CHRDL1: variants seen among roughly 807,000 people sequenced by gnomAD.
CHRDL1 encodes the protein chordin-like protein 1.
A neutral mutation model predicts 40.9 loss-of-function variants in CHRDL1; 19 were observed. That is an observed-to-expected ratio of 0.46 (90% CI 0.32 to 0.68). The LOEUF (loss-of-function observed/expected upper bound fraction) is 0.68, where lower values mean the gene tolerates loss of function less well. Among genes scored for constraint, CHRDL1 ranks in the 30% least tolerant of loss-of-function variants. The pLI is 0.03. For missense variants in CHRDL1, 329 were observed against 352.1 expected, an observed-to-expected ratio of 0.93 and a Z score of 0.53; for synonymous variants, 136 against 123.4, an observed-to-expected ratio of 1.10 and a Z score of -0.68.
intron 4 of CHRDL1, among the ~76,000 whole-genome samples, chrX:110,722,200 T>C (rs569292463): frequency 2.7e-5 from 3 of 110,665 alleles, no homozygotes; most frequent in South Asian, 8.0e-4. Flanking sequence ...TTTCACCATG[T>C]TGACCAGGCT....
intron 4 of CHRDL1, among the ~76,000 whole-genome samples, chrX:110,743,191 C>T (rs1230486701): frequency 1.8e-5 from 2 of 112,842 alleles, no homozygotes; most frequent in Non-Finnish European, 1.9e-5. Context: ...TTCTATTGGA[C>T]AGTGCTGGTA....
intron 6 of CHRDL1, among the ~76,000 whole-genome samples, chrX:110,707,832 G>T (rs1289386426): frequency 1.8e-5 from 2 of 111,642 alleles, no homozygotes; most frequent in African/African-American, 6.5e-5. Context: ...CACAGCAAAA[G>T]AAACTATCAT....
chrX:110,783,050 G>A (rs1007648827), intron 2 of CHRDL1, among the ~76,000 whole-genome samples: 2 of 112,498 alleles, frequency 1.8e-5, no homozygotes, highest in East Asian at 2.8e-4. Context: ...GAATGGTCAC[G>A]CCATTAGTGC....
chrX:110,690,023 G>A (rs59151044), intron 8 of CHRDL1, among the ~76,000 whole-genome samples: 7 of 14,567 alleles, frequency 4.8e-4, no homozygotes, highest in Non-Finnish European at 8.5e-4. Context: ...CTATATATCT[G>A]TATATCTATA....
chrX:110,679,473 A>G, intron 10 of CHRDL1, 48 bp from the exon 11 acceptor site: 2 of 842,611 alleles, frequency 2.4e-6, no homozygotes, highest in Non-Finnish European at 3.6e-6. Flanking sequence ...CTCAATCTGG[A>G]ACCATCAACT....
chrX:110,701,395 T>G (rs150748269), intron 6 of CHRDL1, among the ~76,000 whole-genome samples: 1 of 111,811 alleles, frequency 8.9e-6, no homozygotes, highest in African/African-American at 3.3e-5. Context: ...AAATGAGTAC[T>G]ATTTAAATTA....
At chrX:110,752,051 A>T (rs1034121527) in intron 4 of CHRDL1, among the ~76,000 whole-genome samples, 1 of 112,214 alleles carries the variant, frequency 8.9e-6, no homozygotes, top group Non-Finnish European at 1.9e-5. Flanking sequence ...GTTCTCACTC[A>T]TATGTGGAAG....
chrX:110,726,790 T>C (rs1165474469), intron 4 of CHRDL1, among the ~76,000 whole-genome samples: 1 of 112,351 alleles, frequency 8.9e-6, no homozygotes, highest in Admixed American at 9.4e-5. Flanking sequence ...TTTCCATAGA[T>C]GATAACTAAC....
intron 6 of CHRDL1, among the ~76,000 whole-genome samples, chrX:110,707,618 C>T (rs1478322314): frequency 8.9e-6 from 1 of 111,772 alleles, no homozygotes; most frequent in Non-Finnish European, 1.9e-5. Context: ...TGGACCCCTT[C>T]CTTACACCTC....
At chrX:110,747,409 A>AACACACAC (rs113917102) in intron 4 of CHRDL1, among the ~76,000 whole-genome samples, 90 of 91,222 alleles carry the variant, frequency 9.9e-4, no homozygotes, top group African/African-American at 3.4e-3. Context: ...ATCAAAACAA[A>AACACACAC]ACACACACAC....
chrX:110,712,487 C>T (rs1025090756), intron 6 of CHRDL1, among the ~76,000 whole-genome samples: 2 of 111,447 alleles, frequency 1.8e-5, no homozygotes, highest in Non-Finnish European at 3.8e-5. Context: ...AAGGAAGGAT[C>T]AGACTGTTTC....
chrX:110,678,933 C>G (rs2069837621), intron 11 of CHRDL1, among the ~76,000 whole-genome samples: 1 of 111,277 alleles, frequency 9.0e-6, no homozygotes, highest in East Asian at 2.8e-4. Context: ...ATTGATATGC[C>G]TTTAATTTCT....
chrX:110,775,835 C>T (rs1371481440), intron 2 of CHRDL1, among the ~76,000 whole-genome samples: 3 of 109,649 alleles, frequency 2.7e-5, no homozygotes, highest in Non-Finnish European at 5.7e-5. Context: ...TTTAACTGAA[C>T]ATTTTATATT....
intron 6 of CHRDL1, among the ~76,000 whole-genome samples, chrX:110,712,491 C>G (rs962310499): frequency 9.0e-6 from 1 of 111,623 alleles, no homozygotes; most frequent in South Asian, 3.8e-4. Context: ...AAGGATCAGA[C>G]TGTTTCACAG....
At chrX:110,733,246 T>A (rs1456555568) in intron 4 of CHRDL1, among the ~76,000 whole-genome samples, 2 of 111,383 alleles carry the variant, frequency 1.8e-5, no homozygotes, top group Non-Finnish European at 3.8e-5. Context: ...CCCCAAAGAC[T>A]GGAGTTCCAT....
intron 4 of CHRDL1, among the ~76,000 whole-genome samples, chrX:110,734,322 A>G (rs746448801): frequency 8.9e-6 from 1 of 112,090 alleles, no homozygotes; most frequent in East Asian, 2.8e-4. Flanking sequence ...GGTTATGCAC[A>G]CTTGTTTTCA....
Position 110,758,135 on chromosome X carries a change from A to C in CHRDL1, c.301+1526T>G, listed in dbSNP as rs552646115. ...AAAAACAAAAAACAAAAAAACAAAA[A>C]AAAAAAAAACAAAGAAGCTCTCCAG... On this transcript the variant is annotated intron_variant, in intron 4 of 11. Transcript: ENST00000372042. Among the ~76,000 whole-genome samples, 36 of 108,975 alleles carry C rather than the reference A, an allele frequency of 3.3e-4. No homozygotes were observed. The South Asian group carries it at 5.9e-3, about 18-fold the overall frequency. The allele number at this position is 108,975 out of a possible 115,157, so 94.6% of individuals were successfully genotyped here.
chrX:110,773,464 C>T (rs993983667), intron 2 of CHRDL1, among the ~76,000 whole-genome samples: 3 of 111,304 alleles, frequency 2.7e-5, no homozygotes, highest in African/African-American at 6.5e-5. Flanking sequence ...CACGGTGGCT[C>T]ACGCCTGTAA....
intron 4 of CHRDL1, among the ~76,000 whole-genome samples, chrX:110,743,051 A>T (rs919272528): frequency 8.9e-6 from 1 of 112,408 alleles, no homozygotes; most frequent in Non-Finnish European, 1.9e-5. Context: ...ACCGATTAAC[A>T]TTAAATCCAA....
Sources: allele counts gnomAD v4.1 joint callset (sites outside exome capture counted in the v4.1 genomes callset), GRCh38; gene constraint gnomAD v4.1.1; transcripts MANE v1.5; gene names NCBI Gene and HGNC (gene_info 2026-07-23, HGNC 2026-07-21).